CDK11A: variants seen among roughly 807,000 people sequenced by gnomAD.
CDK11A encodes cyclin dependent kinase 11A.
A neutral mutation model predicts 83.6 loss-of-function variants in CDK11A; 55 were observed. That is an observed-to-expected ratio of 0.66 (90% CI 0.53 to 0.82). The LOEUF (loss-of-function observed/expected upper bound fraction) is 0.82, where lower values mean the gene tolerates loss of function less well. Ranked by LOEUF, CDK11A falls within the 40% of genes least tolerant of loss-of-function variation. The probability of loss-of-function intolerance (pLI) is 0.00; values close to 1 mark genes in which losing one functional copy is unlikely to be tolerated. For missense variants in CDK11A, 564 were observed against 810.1 expected (o/e 0.70, Z 3.69); for synonymous variants, 247 against 302.7 (o/e 0.82, Z 1.91).
Position 1,708,231 on chromosome 1 carries a change from C to T in CDK11A, c.1018G>A (p.Glu340Lys), listed in dbSNP as rs1344270166. ...CGTTCTTCATCTTCACTCATTTCTT[C>T]CTCACTTACTTCTTCTGCAAGAGAA... Reference protein sequence around the residue: ...SEQSAEEVSEEEMSEDEEREN... With the variant: ...SEQSAEEVSEKEMSEDEEREN... The change falls in exon 10 of 20, where the codon GAA becomes AAA. Residue 340 changes from glutamate to lysine, a missense_variant. By Grantham distance (56) the Glu-to-Lys change is moderately conservative. Transcript: ENST00000404249. The T allele has an allele frequency of 7.1e-6, 11 of 1,550,946 alleles. No individual in the cohort carries two copies. The highest frequency in any genetic ancestry group is 1.4e-5 in the African/African-American group (1 of 71,418).
rs1218177681 is a variant in CDK11A at position 1,702,985 on chromosome 1, C to T, written c.2265G>A (p.Leu755=). The T allele has an allele frequency of 4.3e-6, 2 of 462,420 alleles. No individual in the cohort carries two copies. The highest frequency in any genetic ancestry group is 8.9e-5 in the Admixed American group (2 of 22,560). The allele number at this position is 462,420 out of a possible 1,614,324, so 28.6% of individuals were successfully genotyped here. The change falls in exon 20 of 20, where the codon CTG becomes CTA. Residue 755 remains leucine (L), a synonymous_variant. Coordinates refer to ENST00000404249, the MANE Select transcript of CDK11A (RefSeq NM_024011.4). ...TGGTAAGGTGGAAGCCCGTCTCCTT[C>T]AGGTCGTCGTCACCCTGGGACGAGT... ...LGYSQLGDDD[L]KETGFHLTTT...
chr1:1,719,079 C>T (rs369877223), intron 4 of CDK11A: 46 of 250,378 alleles, frequency 1.8e-4, no homozygotes, highest in Non-Finnish European at 2.1e-4. Context: ...CTCTGGTTTT[C>T]GGTCTGTGAC....
At position 1,716,413 on chromosome 1, in the gene CDK11A, T is replaced by C. The variant is rs754510372; in HGVS notation, c.421A>G (p.Lys141Glu). The change falls in exon 5 of 20, where the codon AAA becomes GAA. Residue 141 changes from lysine (K) to glutamate (E), a missense_variant. Lys to Glu is a moderately conservative substitution (Grantham distance 56, BLOSUM62 1). This residue lies in a region of CDK11A where 151 missense variants were observed against 147.4 expected (regional missense o/e 1.02). Coordinates refer to ENST00000404249, the MANE Select transcript of CDK11A (RefSeq NM_024011.4). ...TGTCTTTCCCATTCCCGGCGAGCTT[T>C]ATCCTGTTCTTCTCGATGTCGTTTC... ...RRKRHREEQD[K>E]ARREWERQKR... 1 of 1,608,610 alleles carries C rather than the reference T, an allele frequency of 6.2e-7. No homozygotes were observed. Among genetic ancestry groups the C allele is most frequent in the Non-Finnish European group, 8.5e-7 (1 of 1,176,150 alleles).
At chr1:1,715,365 G>A (rs1247340344) in intron 5 of CDK11A, among the ~76,000 whole-genome samples, 5 of 139,116 alleles carry the variant, frequency 3.6e-5, no homozygotes, top group Non-Finnish European at 8.0e-5. Flanking sequence ...TCACTCTCCT[G>A]TCTTTACCTT....
chr1:1,719,137 G>T, intron 4 of CDK11A, 191 bp downstream of exon 4: 1 of 397,946 alleles, frequency 2.5e-6, no homozygotes, highest in Non-Finnish European at 4.4e-6. Flanking sequence ...CCCTCTGAAT[G>T]GTCTGTGACA....
intron 4 of CDK11A, 134 bp from the exon 5 acceptor site, chr1:1,716,612 A>T: frequency 1.2e-6 from 1 of 804,606 alleles, no homozygotes; most frequent in South Asian, 1.7e-5. Context: ...TCAGGAGTTC[A>T]AAACCAGCCT....
intron 5 of CDK11A, among the ~76,000 whole-genome samples, chr1:1,715,951 C>T (rs1389458598): frequency 6.6e-6 from 1 of 150,876 alleles, no homozygotes; most frequent in Non-Finnish European, 1.5e-5. Context: ...TTTTTTGAGA[C>T]AGTCTCACTC....
chr1:1,706,460 G>A (rs1644314333), intron 11 of CDK11A, among the ~76,000 whole-genome samples: 2 of 151,442 alleles, frequency 1.3e-5, no homozygotes, highest in African/African-American at 4.8e-5. Context: ...GAGATGGGAG[G>A]ATTGTTTGAG....
At chr1:1,715,269 G>A (rs565184022) in intron 5 of CDK11A, among the ~76,000 whole-genome samples, 13 of 128,662 alleles carry the variant, frequency 1.0e-4, no homozygotes, top group Non-Finnish European at 2.3e-4. Flanking sequence ...AGCCTCCCAC[G>A]TAGCATATGC....
chr1:1,722,015 T>C (rs1402407427), intron 2 of CDK11A: 1 of 275,650 alleles, frequency 3.6e-6, no homozygotes, highest in African/African-American at 2.2e-5. Flanking sequence ...GCTTGGCATG[T>C]TGGTGAGCCC....
At position 1,704,175 on chromosome 1, in the gene CDK11A, G is replaced by A. The variant is rs1168335707; in HGVS notation, c.1687-29C>T. On this transcript the variant is annotated intron_variant, in intron 15 of 19. Coordinates refer to ENST00000404249, the MANE Select transcript of CDK11A (RefSeq NM_024011.4). ...CAACGACAGATGGGCGGCTGTGGGT[G>A]GGCCTGGGCGGGTCACCCTGGGATG... The A allele has an allele frequency of 3.1e-6, 5 of 1,607,536 alleles. 2 individuals carry two copies. Among genetic ancestry groups the A allele is most frequent in the Non-Finnish European group, 2.6e-6 (3 of 1,176,260 alleles).
intron 11 of CDK11A, among the ~76,000 whole-genome samples, chr1:1,706,517 C>A (rs1570382081): frequency 6.6e-6 from 1 of 151,344 alleles, no homozygotes; most frequent in South Asian, 2.1e-4. Flanking sequence ...CCACTCCACT[C>A]CAGCCTGGAT....
intron 11 of CDK11A, among the ~76,000 whole-genome samples, chr1:1,706,765 G>A (rs2101176412): frequency 6.6e-6 from 1 of 150,964 alleles, no homozygotes; most frequent in East Asian, 2.0e-4. Context: ...CAGCACTAAG[G>A]GGCAGAGGCG....
At chr1:1,718,928 G>A (rs2101318421) in intron 4 of CDK11A, among the ~76,000 whole-genome samples, 1 of 149,924 alleles carries the variant, frequency 6.7e-6, no homozygotes, top group South Asian at 2.1e-4. Flanking sequence ...GAGCCACCAC[G>A]CCCGGCCTTC....
In CDK11A at chr1:1,702,531, G is replaced by A. The variant is rs1276245138; in HGVS notation, c.*376C>T. ...CTGGACGAGTGGGTTGGGGCAAGAGGGCATCGCTCATCCCAACACAGAAAC... is the reference window on the plus strand; with the variant it reads ...CTGGACGAGTGGGTTGGGGCAAGAGAGCATCGCTCATCCCAACACAGAAAC... On this transcript the variant is annotated 3_prime_UTR_variant, in exon 20 of 20. Coordinates refer to ENST00000404249, the MANE Select transcript of CDK11A (RefSeq NM_024011.4). Among the ~76,000 whole-genome samples the A allele has an allele frequency of 2.6e-5, 3 of 115,970 alleles. No individual in the cohort carries two copies. Among genetic ancestry groups the A allele is most frequent in the African/African-American group, 8.7e-5 (3 of 34,370 alleles). 76.1% of individuals were successfully genotyped at this position (115,970 alleles called of 152,430 possible).
chr1:1,703,703 C>A, intron 17 of CDK11A, 79 bp from the exon 18 acceptor site: 2 of 1,535,556 alleles, frequency 1.3e-6, no homozygotes, highest in South Asian at 1.2e-5. Flanking sequence ...AGAAGACAAG[C>A]CACCAGGAGG....
rs562226801 is a variant in CDK11A at position 1,721,066 on chromosome 1, G to A, written c.227+530C>T. Among the ~76,000 whole-genome samples, 106 of 150,900 alleles carry A rather than the reference G, an allele frequency of 7.0e-4. 7 individuals are homozygous for A. The South Asian group carries it at 0.022, about 32-fold the overall frequency. ...AATTTTTTGTATTTTTAGTAGAGAC[G>A]GGGTTTCACCGTGTTAGCCAGGAGG... On this transcript the variant is annotated intron_variant, in intron 3 of 19. Transcript: ENST00000404249.
chr1:1,718,185 C>T (rs1459117905), intron 4 of CDK11A, among the ~76,000 whole-genome samples: 1 of 146,850 alleles, frequency 6.8e-6, no homozygotes, highest in African/African-American at 2.5e-5. Flanking sequence ...GTGACACACG[C>T]ATGCTTTCAG....
Position 1,720,068 on chromosome 1 carries a change from CTTAT to C in CDK11A, c.228-617_228-614del, listed in dbSNP as rs1292802173. 1.9e-4 allele frequency among the ~76,000 whole-genome samples: 28 copies of C among 150,766 alleles called. 2 individuals are homozygous for C. In the East Asian group the frequency reaches 2.3e-3, roughly 13 times the overall value. On this transcript the variant is annotated intron_variant, in intron 3 of 19. Coordinates refer to ENST00000404249, the MANE Select transcript of CDK11A (RefSeq NM_024011.4). ...AGGGGCATGTAAAAATACATCACAT[CTTAT>C]TTATTTAATTTAATTTTATTTATTT...
Sources: gnomAD v4.1 joint callset for allele counts (sites outside exome capture counted in the v4.1 genomes callset) on GRCh38, gnomAD v4.1.1 for gene constraint, gnomAD v4.1.1 regional missense constraint, MANE v1.5 for transcripts, NCBI Gene and HGNC (gene_info 2026-07-23, HGNC 2026-07-21) for gene names.